CEP85: variants seen among roughly 807,000 people sequenced by gnomAD.
CEP85 encodes the protein centrosomal protein of 85 kDa.
Under a neutral mutation model 93.7 loss-of-function variants are expected in CEP85, and 58 were observed. The observed-to-expected ratio is 0.62, with a 90% CI of 0.50 to 0.77. The LOEUF is 0.77. Among genes scored for constraint, CEP85 ranks in the 30% least tolerant of loss-of-function variants. The probability of loss-of-function intolerance (pLI) is 0.00; values close to 1 mark genes in which losing one functional copy is unlikely to be tolerated. For missense variants in CEP85, 868 were observed against 922.0 expected (o/e 0.94, Z 0.76); for synonymous variants, 314 against 338.6 (o/e 0.93, Z 0.80).
chr1:26,272,020 G>C lies in CEP85; in HGVS notation c.1744-1G>C. ...CCTTCCTTGATAACTTTGCCTTTCA[G>C]ATTGTGGAGAAGCAGCAGCAGAAGA... On this transcript the variant is annotated splice_acceptor_variant, in intron 10 of 13. Coordinates refer to ENST00000451429, the MANE Select transcript of CEP85 (RefSeq NM_001319944.2). LOFTEE classifies it high-confidence loss of function. 6.2e-7 allele frequency: 1 copy of C among 1,614,092 alleles called. No homozygotes were observed.
At chr1:26,276,825 C>T in intron 13 of CEP85, 65 bp downstream of exon 13, 1 of 1,256,016 alleles carries the variant, frequency 8.0e-7, no homozygotes, top group East Asian at 2.5e-5. Context: ...CTCCCCCATC[C>T]TGCTTTCCCA....
intron 8 of CEP85, 121 bp from the exon 9 acceptor site, chr1:26,269,339 T>A (rs1004506293): frequency 1.1e-5 from 10 of 934,558 alleles, no homozygotes; most frequent in Non-Finnish European, 1.6e-5. Context: ...AAGTAAAAAT[T>A]GCCTTGCTGA....
intron 1 of CEP85, among the ~76,000 whole-genome samples, chr1:26,234,805 G>A (rs1295411080): frequency 6.6e-6 from 1 of 152,228 alleles, no homozygotes; most frequent in Non-Finnish European, 1.5e-5. Context: ...AAGGTTGTGG[G>A]ACGGAAAGCA....
chr1:26,276,224 TAG>T (rs2090050966), intron 12 of CEP85, among the ~76,000 whole-genome samples: 1 of 152,308 alleles, frequency 6.6e-6, no homozygotes, highest in African/African-American at 2.4e-5. Flanking sequence ...TGGCTTGAGA[TAG>T]AGTTCCTAGG....
intron 1 of CEP85, 144 bp downstream of exon 1, chr1:26,234,454 C>G (rs4477262): frequency 0.9 from 136,721 of 152,256 alleles, 62,443 homozygotes; most frequent in African/African-American, 0.96. Context: ...GCTCCGAAGC[C>G]AGTGCCCCGG....
chr1:26,239,273 T>G (rs187255933), intron 1 of CEP85, among the ~76,000 whole-genome samples: 17 of 152,296 alleles, frequency 1.1e-4, no homozygotes, highest in Admixed American at 9.2e-4. Context: ...GTCTTAAAAA[T>G]ATCCTTAGAA....
intron 11 of CEP85, among the ~76,000 whole-genome samples, chr1:26,274,466 A>AT (rs2090024491): frequency 6.6e-6 from 1 of 152,214 alleles, no homozygotes; most frequent in South Asian, 2.1e-4. Flanking sequence ...TATTAAGCAG[A>AT]TGTACTCGTA....
chr1:26,276,586 C>T lies in CEP85; in HGVS notation c.1954C>T (p.His652Tyr). Residue 652 changes from histidine to tyrosine, a missense_variant, in exon 13 of 14, where the codon CAC (histidine) becomes TAC (tyrosine). Transcript: ENST00000451429. ...TGAGAAGAATCTGACACTCCAGGAACACCTGCGCCAGGCCCAACCAGGGTC... is the reference window on the plus strand; with the variant it reads ...TGAGAAGAATCTGACACTCCAGGAATACCTGCGCCAGGCCCAACCAGGGTC... The part of the protein sequence containing the change: ...LIEKNLTLQE[H>Y]LRQAQPGSPP... 1.2e-6 allele frequency: 2 copies of T among 1,614,244 alleles called. No homozygotes were observed. The highest frequency in any genetic ancestry group is 1.1e-5 in the South Asian group (1 of 91,092).
intron 9 of CEP85, among the ~76,000 whole-genome samples, chr1:26,270,619 G>A (rs780320241): frequency 1.2e-4 from 18 of 152,218 alleles, no homozygotes; most frequent in Non-Finnish European, 1.2e-4. Flanking sequence ...CAGAAGTGGG[G>A]TTAGAGGACA....
intron 10 of CEP85, 26 bp from the exon 11 acceptor site, chr1:26,271,995 C>T: frequency 6.2e-7 from 1 of 1,613,278 alleles, no homozygotes; most frequent in Non-Finnish European, 8.5e-7. Flanking sequence ...GTGCTCGCAG[C>T]CTTCCTTGAT....
chr1:26,263,263 C>G, intron 7 of CEP85: 8 of 337,978 alleles, frequency 2.4e-5, no homozygotes, highest in South Asian at 2.0e-4. Flanking sequence ...TAAGGAAGTG[C>G]TCATTTGCCC....
chr1:26,269,415 T>C, intron 8 of CEP85, 45 bp from the exon 9 acceptor site: 1 of 1,593,564 alleles, frequency 6.3e-7, no homozygotes. Context: ...TTTGCATTTA[T>C]AACACTTGGC....
chr1:26,265,287 T>C (rs1272150800), intron 7 of CEP85, among the ~76,000 whole-genome samples: 1 of 151,930 alleles, frequency 6.6e-6, no homozygotes, highest in Non-Finnish European at 1.5e-5. Flanking sequence ...CTGGCCTAAT[T>C]TTTGTATTTT....
chr1:26,276,462 C>A, intron 12 of CEP85, 73 bp from the exon 13 acceptor site: 2 of 1,223,546 alleles, frequency 1.6e-6, no homozygotes, highest in Non-Finnish European at 1.2e-6. Context: ...CCTTCCACAC[C>A]CACACACTCA....
chr1:26,246,943 A>G (rs1050494269), intron 3 of CEP85, among the ~76,000 whole-genome samples: 5 of 152,174 alleles, frequency 3.3e-5, no homozygotes, highest in Admixed American at 6.6e-5. Flanking sequence ...CCCCTGGGCC[A>G]AGGACCGGTA....
intron 11 of CEP85, chr1:26,272,355 A>AT (rs2089987690): frequency 4.8e-6 from 2 of 420,074 alleles, no homozygotes. Flanking sequence ...TCCTGAACCT[A>AT]CAAGGATGAG....
rs1484292596 is a variant in CEP85 at position 26,248,796 on chromosome 1, G to A, written c.208+4478G>A. On this transcript the variant is annotated intron_variant, in intron 3 of 13. Coordinates refer to ENST00000451429, the MANE Select transcript of CEP85 (RefSeq NM_001319944.2). ...GGCTGGAGTGCAGTGGGGCAATCTC[G>A]GCTCACTGCAAGCTCCGCCTTCCGG... Among the ~76,000 whole-genome samples, 67 of 129,702 alleles carry A rather than the reference G, an allele frequency of 5.2e-4. 1 individual carries two copies. Among genetic ancestry groups the A allele is most frequent in the Middle Eastern group, 0.013 (2 of 152 alleles). 85.1% of individuals were successfully genotyped at this position (129,702 alleles called of 152,430 possible).
intron 3 of CEP85, among the ~76,000 whole-genome samples, chr1:26,252,518 G>C (rs1486523011): frequency 6.6e-6 from 1 of 152,202 alleles, no homozygotes; most frequent in Non-Finnish European, 1.5e-5. Flanking sequence ...GGCAACAAGA[G>C]TGAAATTCCG....
rs377029354 is a variant in CEP85 at position 26,269,455 on chromosome 1, C to T, written c.1495-5C>T. 8 of 1,613,248 alleles carry T rather than the reference C, an allele frequency of 5.0e-6. No individual in the cohort carries two copies. The highest frequency in any genetic ancestry group is 6.8e-6 in the Non-Finnish European group (8 of 1,179,378). ...TTGACCTAAACATGGGATCCTGTCT[C>T]TCAGCTTAAGGATTCTGAGTTGAAG... On this transcript the variant is annotated splice_polypyrimidine_tract_variant and splice_region_variant and intron_variant, in intron 8 of 13. Coordinates refer to ENST00000451429, the MANE Select transcript of CEP85 (RefSeq NM_001319944.2).
Sources: allele counts gnomAD v4.1 joint callset (sites outside exome capture counted in the v4.1 genomes callset), GRCh38; gene constraint gnomAD v4.1.1; transcripts MANE v1.5; gene names NCBI Gene and HGNC (gene_info 2026-07-23, HGNC 2026-07-21).